KIRREL3: variants seen among roughly 807,000 people sequenced by gnomAD.
The protein encoded by KIRREL3 is kin of IRRE-like protein 3.
KIRREL3 carries 36 observed loss-of-function variants against 89.7 expected under a neutral mutation model. The observed-to-expected ratio is 0.40, with a 90% confidence interval of 0.31 to 0.53. The LOEUF is 0.53. KIRREL3 is among the 20% of genes least tolerant of loss of function. KIRREL3 has a pLI of 0.49. For synonymous variants in KIRREL3, 445 were observed against 441.4 expected, an observed-to-expected ratio of 1.01 and a Z score of -0.10; for missense variants, 864 against 1,056.6, an observed-to-expected ratio of 0.82 and a Z score of 2.53.
chr11:126,467,643 T>TAA (rs202006782), intron 5 of KIRREL3, among the ~76,000 whole-genome samples: 1 of 149,378 alleles, frequency 6.7e-6, no homozygotes, highest in African/African-American at 2.5e-5. Flanking sequence ...TTTTTTTTTT[T>TAA]TAAAAAATCA....
intron 1 of KIRREL3, among the ~76,000 whole-genome samples, chr11:126,828,667 C>T (rs987579138): frequency 2.6e-5 from 4 of 152,074 alleles, no homozygotes; most frequent in African/African-American, 7.2e-5. Flanking sequence ...TAGTCTTGCA[C>T]GTAGGCTCTG....
rs1466136621 is a variant in KIRREL3, at chr11:126,742,017, G to A, written c.56-179105C>T. On this transcript the variant is annotated intron_variant, in intron 1 of 16. Transcript: ENST00000525144. The surrounding 1 kb of genome is among the most constrained non-coding windows in gnomAD (Gnocchi z 5.3). ...GTCTGGGGGTACCAGGAGGTTGAAT[G>A]GAGGACGCTTGTGCTAAGAAGGGAG... Among the ~76,000 whole-genome samples, 1 of 152,206 alleles carries A rather than the reference G, an allele frequency of 6.6e-6. No individual in the cohort carries two copies. Among genetic ancestry groups the A allele is most frequent in the Admixed American group, 6.5e-5 (1 of 15,280 alleles).
chr11:126,775,197 C>G (rs1201238798), intron 1 of KIRREL3, among the ~76,000 whole-genome samples: 1 of 152,156 alleles, frequency 6.6e-6, no homozygotes, highest in African/African-American at 2.4e-5. Flanking sequence ...ATATGCCAGC[C>G]ATGGGAGGCA....
chr11:126,791,000 G>A (rs914765782), intron 1 of KIRREL3, among the ~76,000 whole-genome samples: 2 of 152,194 alleles, frequency 1.3e-5, no homozygotes, highest in Non-Finnish European at 2.9e-5. Context: ...AAACTGGGTG[G>A]TGTGGAGGAT....
At chr11:126,658,277 T>C (rs1945245670) in intron 1 of KIRREL3, among the ~76,000 whole-genome samples, 1 of 152,198 alleles carries the variant, frequency 6.6e-6, no homozygotes, top group Admixed American at 6.5e-5. Flanking sequence ...GAGGGAATGG[T>C]TATTTTTATA....
intron 6 of KIRREL3, among the ~76,000 whole-genome samples, chr11:126,457,243 ATGTG>A (rs377404773): frequency 5.2e-5 from 6 of 116,210 alleles, no homozygotes; most frequent in East Asian, 2.3e-4. Flanking sequence ...GTGTATATGT[ATGTG>A]TGTGTATGTG....
At chr11:126,920,624 T>C (rs555989627) in intron 1 of KIRREL3, 2 of 152,364 alleles carry the variant, frequency 1.3e-5, no homozygotes, top group East Asian at 3.9e-4. Context: ...CCTCAGGATA[T>C]GTTTTAAGAC....
Position 126,463,024 on chromosome 11 carries a change from C to G in KIRREL3, c.742+133G>C. On this transcript the variant is annotated intron_variant, in intron 6 of 16. Transcript: ENST00000525144. This position sits in a 1 kb window ranked among gnomAD's most constrained non-coding sequence, Gnocchi z 5.9. ...ACAAGATGGTCCTTCCTGTCCGTAT[C>G]TACAAGCTGGCCAATCCACAGAGCT... The G allele has an allele frequency of 2.5e-6, 2 of 792,822 alleles. No individual in the cohort carries two copies. Among genetic ancestry groups the G allele is most frequent in the African/African-American group, 1.7e-5 (1 of 58,390 alleles). 49.1% of individuals were successfully genotyped at this position (792,822 alleles called of 1,614,324 possible). A position where few individuals can be genotyped will look rare whatever the true frequency, so the allele number is the denominator to read the frequency against.
rs1332918886 is a variant in KIRREL3, at chr11:126,752,129, ATGAT to A, written c.56-189221_56-189218del. Among the ~76,000 whole-genome samples, 1 of 152,162 alleles carries A rather than the reference ATGAT, an allele frequency of 6.6e-6. No homozygotes were observed. Among genetic ancestry groups the A allele is most frequent in the South Asian group, 2.1e-4 (1 of 4,820 alleles). On this transcript the variant is annotated intron_variant, in intron 1 of 16. Transcript: ENST00000525144. This position sits in a 1 kb window ranked among gnomAD's most constrained non-coding sequence, Gnocchi z 4.8. Reference sequence around the variant, plus strand: ...TTTTCTTTGCAAAATAGGAACAATGATGATACCTGTCCCTGAGTTATGAAGACGG... The same window carrying A: ...TTTTCTTTGCAAAATAGGAACAATGAACCTGTCCCTGAGTTATGAAGACGG...
chr11:126,779,646 C>A (rs921342500), intron 1 of KIRREL3, among the ~76,000 whole-genome samples: 12 of 152,164 alleles, frequency 7.9e-5, no homozygotes, highest in Non-Finnish European at 1.2e-4. Flanking sequence ...TGGCGTCAAT[C>A]TTAGGACACA....
rs890574 is a variant in KIRREL3 at position 126,635,296 on chromosome 11, C to T, written c.56-72384G>A. Reference sequence around the variant, plus strand: ...CCTCCAAGGCAGAAGGTAACCCCTCCCAGTCCAGAGCAAATCACGGTCTCC... The same window carrying T: ...CCTCCAAGGCAGAAGGTAACCCCTCTCAGTCCAGAGCAAATCACGGTCTCC... On this transcript the variant is annotated intron_variant, in intron 1 of 16. Transcript: ENST00000525144. This position sits in a 1 kb window ranked among gnomAD's most constrained non-coding sequence, Gnocchi z 4.0. 0.46 allele frequency among the ~76,000 whole-genome samples: 69,320 copies of T among 152,072 alleles called. 16,603 individuals are homozygous for T. The highest frequency in any genetic ancestry group is 0.73 in the East Asian group (3,742 of 5,158).
In KIRREL3 at chr11:126,991,443, C is replaced by A. The variant is rs902341220; in HGVS notation, c.55+9012G>T. Reference sequence around the variant, plus strand: ...ATTTTAATCAACCAATTAAGAGAAGCAAAGTCCCTGCCTTTGCTTCCTTCC... The same window carrying A: ...ATTTTAATCAACCAATTAAGAGAAGAAAAGTCCCTGCCTTTGCTTCCTTCC... On this transcript the variant is annotated intron_variant, in intron 1 of 16. Transcript: ENST00000525144. This position sits in a 1 kb window ranked among gnomAD's most constrained non-coding sequence, Gnocchi z 5.8. Among the ~76,000 whole-genome samples, 9 of 151,966 alleles carry A rather than the reference C, an allele frequency of 5.9e-5. No homozygotes were observed. The highest frequency in any genetic ancestry group is 2.2e-4 in the African/African-American group (9 of 41,360).
In KIRREL3 at chr11:126,744,213, A is replaced by T. The variant is rs955716750; in HGVS notation, c.56-181301T>A. Among the ~76,000 whole-genome samples the T allele has an allele frequency of 6.7e-6, 1 of 150,320 alleles. No homozygotes were observed. ...GTGCCAGTCAAGGGACAAAATGGAC[A>T]TTGGTTTGTCTTCTGAAACACACAA... On this transcript the variant is annotated intron_variant, in intron 1 of 16. Transcript: ENST00000525144. This position sits in a 1 kb window ranked among gnomAD's most constrained non-coding sequence, Gnocchi z 4.7.
intron 1 of KIRREL3, among the ~76,000 whole-genome samples, chr11:126,638,047 A>C (rs757168523): frequency 6.6e-6 from 1 of 152,220 alleles, no homozygotes; most frequent in Non-Finnish European, 1.5e-5. Flanking sequence ...ATGCGTGTGG[A>C]ACTAAGGCTC....
chr11:126,834,561 C>T (rs1943716156), intron 1 of KIRREL3, among the ~76,000 whole-genome samples: 2 of 152,196 alleles, frequency 1.3e-5, no homozygotes, highest in Admixed American at 6.5e-5. Flanking sequence ...TCAGATCACT[C>T]AAGAGCACTG....
chr11:126,858,145 C>T (rs978473136), intron 1 of KIRREL3, among the ~76,000 whole-genome samples: 4 of 152,190 alleles, frequency 2.6e-5, no homozygotes, highest in Non-Finnish European at 5.9e-5. Context: ...TGGTCCATTT[C>T]AACCATCATG....
intron 1 of KIRREL3, among the ~76,000 whole-genome samples, chr11:126,631,124 TATTC>T (rs201430801): frequency 0.29 from 30,890 of 106,458 alleles, 3,342 homozygotes; most frequent in South Asian, 0.49. Context: ...TGTATGTATG[TATTC>T]ATTCATTCAT....
chr11:126,904,111 T>C lies in KIRREL3; in HGVS notation c.55+96344A>G, dbSNP rs1427753597. On this transcript the variant is annotated intron_variant, in intron 1 of 16. Coordinates refer to ENST00000525144, the MANE Select transcript of KIRREL3 (RefSeq NM_032531.4). This position sits in a 1 kb window ranked among gnomAD's most constrained non-coding sequence, Gnocchi z 4.4. ...CCTTTCCAACTCTAAATTGCTATGA[T>C]TTTATGAAGATGGCATAGAAAAAAC... is the stretch of plus-strand genomic sequence containing the variant. Among the ~76,000 whole-genome samples, 1 of 152,198 alleles carries C rather than the reference T, an allele frequency of 6.6e-6. No individual in the cohort carries two copies. The highest frequency in any genetic ancestry group is 1.9e-4 in the East Asian group (1 of 5,196).
intron 6 of KIRREL3, among the ~76,000 whole-genome samples, chr11:126,457,791 GT>G (rs1368766524): frequency 6.6e-6 from 1 of 152,146 alleles, no homozygotes; most frequent in Non-Finnish European, 1.5e-5. Flanking sequence ...CAATGACAGG[GT>G]GTTAGAGAGA....
Sources: allele counts gnomAD v4.1 joint callset (sites outside exome capture counted in the v4.1 genomes callset), GRCh38; gene constraint gnomAD v4.1.1; non-coding constraint Gnocchi (gnomAD v3.1); transcripts MANE v1.5; gene names NCBI Gene and HGNC (gene_info 2026-07-23, HGNC 2026-07-21).